The following AUH variants were observed in gnomAD, a reference collection of about 807,000 sequenced individuals.
AUH encodes the protein methylglutaconyl-CoA hydratase, mitochondrial.
A neutral mutation model predicts 42.3 loss-of-function variants in AUH; 29 were observed. That is an observed-to-expected ratio of 0.69 (90% CI 0.51 to 0.93). The LOEUF is 0.93. Ranked by LOEUF, AUH falls within the 40% of genes least tolerant of loss-of-function variation. AUH has a pLI of 0.00. For synonymous variants in AUH, 174 were observed against 166.4 expected, an observed-to-expected ratio of 1.05 and a Z score of -0.35; for missense variants, 452 against 438.1, an observed-to-expected ratio of 1.03 and a Z score of -0.28.
At chr9:91,320,586 C>G (rs1427188044) in intron 4 of AUH, among the ~76,000 whole-genome samples, 1 of 152,220 alleles carries the variant, frequency 6.6e-6, no homozygotes, top group African/African-American at 2.4e-5. Flanking sequence ...TCCCTGGAGT[C>G]TCTCTGAATG....
intron 3 of AUH, among the ~76,000 whole-genome samples, chr9:91,348,082 A>T (rs1040929204): frequency 1.4e-5 from 2 of 142,748 alleles, no homozygotes; most frequent in Non-Finnish European, 3.0e-5. Context: ...AAAAAAAAAC[A>T]AAAAAAAAAC....
At chr9:91,359,665 C>T (rs190371428) in intron 1 of AUH, among the ~76,000 whole-genome samples, 8 of 152,208 alleles carry the variant, frequency 5.3e-5, no homozygotes, top group Admixed American at 5.2e-4. Flanking sequence ...CAGATGAGAC[C>T]TGGTGTATTC....
intron 4 of AUH, among the ~76,000 whole-genome samples, chr9:91,304,616 C>A (rs1290681764): frequency 6.6e-6 from 1 of 152,116 alleles, no homozygotes; most frequent in Non-Finnish European, 1.5e-5. Flanking sequence ...AATTTGGGTT[C>A]CACATACAAA....
intron 6 of AUH, among the ~76,000 whole-genome samples, chr9:91,272,862 A>G (rs1825260001): frequency 6.6e-6 from 1 of 152,246 alleles, no homozygotes; most frequent in Non-Finnish European, 1.5e-5. Context: ...AAAATCAAGT[A>G]AGACCTAGTA....
At chr9:91,232,691 T>C (rs752069755) in intron 6 of AUH, among the ~76,000 whole-genome samples, 1 of 152,236 alleles carries the variant, frequency 6.6e-6, no homozygotes, top group Non-Finnish European at 1.5e-5. Flanking sequence ...CCCTTTCTAA[T>C]GTGTGAATGC....
intron 4 of AUH, among the ~76,000 whole-genome samples, chr9:91,302,601 C>T (rs535905429): frequency 1.3e-5 from 2 of 149,166 alleles, no homozygotes; most frequent in South Asian, 2.1e-4. Flanking sequence ...AAAAAACAAA[C>T]GAACAAACAA....
At chr9:91,327,557 T>A (rs1830040435) in intron 3 of AUH, among the ~76,000 whole-genome samples, 1 of 152,160 alleles carries the variant, frequency 6.6e-6, no homozygotes, top group Admixed American at 6.5e-5. Flanking sequence ...TTTCCTTATG[T>A]CACTCAATAA....
intron 8 of AUH, 150 bp from the exon 9 acceptor site, chr9:91,216,256 A>C: frequency 1.2e-6 from 1 of 819,506 alleles, no homozygotes; most frequent in Non-Finnish European, 2.0e-6. Context: ...CATGAGACAC[A>C]GAACCAGGCT....
chr9:91,341,504 T>C (rs1037389729), intron 3 of AUH, among the ~76,000 whole-genome samples: 5 of 152,240 alleles, frequency 3.3e-5, no homozygotes, highest in Non-Finnish European at 7.3e-5. Flanking sequence ...GATACAACCT[T>C]CTATTTATAA....
At chr9:91,216,188 C>A (rs905672489) in intron 8 of AUH, 82 bp from the exon 9 acceptor site, 27 of 1,339,518 alleles carry the variant, frequency 2.0e-5, no homozygotes, top group East Asian at 2.3e-5. Flanking sequence ...AATTGAATAA[C>A]CTTATCCCCA....
intron 6 of AUH, among the ~76,000 whole-genome samples, chr9:91,249,575 TAATACTC>T (rs1380116772): frequency 6.6e-6 from 1 of 152,160 alleles, no homozygotes; most frequent in Non-Finnish European, 1.5e-5. Flanking sequence ...AAAGCATACT[TAATACTC>T]AAATATCTTC....
rs533820570 is a variant in AUH, at chr9:91,332,884, C to A, written c.419-7480G>T. ...CAGCCCTCTGCTGTCAAAGGTGAAG[C>A]AGAGGACACAAAAACCCTCACTGTG... On this transcript the variant is annotated intron_variant, in intron 3 of 9. Coordinates refer to ENST00000375731, the MANE Select transcript of AUH (RefSeq NM_001698.3). Among the ~76,000 whole-genome samples, 4 of 152,172 alleles carry A rather than the reference C, an allele frequency of 2.6e-5. No individual in the cohort carries two copies. In the East Asian group the frequency reaches 7.7e-4, roughly 29 times the overall value.
Position 91,326,004 on chromosome 9 carries a change from G to C in AUH, c.419-600C>G, listed in dbSNP as rs555684793. ...AACAAACTGATGATTTCATAATTATGACTTTAGCACAGAATCGTAACTTTG... is the reference window on the plus strand; with the variant it reads ...AACAAACTGATGATTTCATAATTATCACTTTAGCACAGAATCGTAACTTTG... On this transcript the variant is annotated intron_variant, in intron 3 of 9. Coordinates refer to ENST00000375731, the MANE Select transcript of AUH (RefSeq NM_001698.3). 2.0e-5 allele frequency among the ~76,000 whole-genome samples: 3 copies of C among 152,276 alleles called. No individual in the cohort carries two copies. The South Asian group carries it at 6.2e-4, about 32-fold the overall frequency.
At position 91,213,903 on chromosome 9, in the gene AUH, T is replaced by A. The variant is rs1003492238; in HGVS notation, c.*445A>T. On this transcript the variant is annotated 3_prime_UTR_variant, in exon 10 of 10. Coordinates refer to ENST00000375731, the MANE Select transcript of AUH (RefSeq NM_001698.3). Reference sequence around the variant, plus strand: ...CATTTTTCAGGTTTAGATATATGTATATGTAGCTGTTCGTATGCATTAATC... The same window carrying A: ...CATTTTTCAGGTTTAGATATATGTAAATGTAGCTGTTCGTATGCATTAATC... The A allele has an allele frequency of 1.9e-5, 3 of 160,798 alleles. No homozygotes were observed. Among genetic ancestry groups the A allele is most frequent in the African/African-American group, 7.2e-5 (3 of 41,532 alleles). The allele number at this position is 160,798 out of a possible 1,614,324, so 10.0% of individuals were successfully genotyped here.
At position 91,348,285 on chromosome 9, in the gene AUH, C is replaced by T. The variant is rs527664487; in HGVS notation, c.418+7598G>A. On this transcript the variant is annotated intron_variant, in intron 3 of 9. Coordinates refer to ENST00000375731, the MANE Select transcript of AUH (RefSeq NM_001698.3). ...ATCAAGTGTTGGTAAGCATGTGGAA[C>T]GCCTGAAACTCTCATCCGTTGCTAG... 9.2e-5 allele frequency among the ~76,000 whole-genome samples: 14 copies of T among 152,252 alleles called. No individual in the cohort carries two copies. The East Asian group carries it at 2.1e-3, about 23-fold the overall frequency.
At chr9:91,276,954 G>T (rs1716718512) in intron 6 of AUH, among the ~76,000 whole-genome samples, 1 of 152,200 alleles carries the variant, frequency 6.6e-6, no homozygotes, top group African/African-American at 2.4e-5. Context: ...GGAAGCTGAG[G>T]TGGGAAAATC....
chr9:91,310,306 G>C lies in AUH; in HGVS notation c.506-12230C>G, dbSNP rs538566490. ...CAGCATTCTTGGAATTTTAGGTAGA[G>C]GCAGACAGGAAAGGGATTGCAAGAG... On this transcript the variant is annotated intron_variant, in intron 4 of 9. Coordinates refer to ENST00000375731, the MANE Select transcript of AUH (RefSeq NM_001698.3). Among the ~76,000 whole-genome samples the C allele has an allele frequency of 2.0e-5, 3 of 152,344 alleles. No homozygotes were observed. In the South Asian group the frequency reaches 6.2e-4, roughly 32 times the overall value.
intron 3 of AUH, among the ~76,000 whole-genome samples, chr9:91,338,556 G>A (rs1830864018): frequency 1.3e-5 from 2 of 152,038 alleles, no homozygotes; most frequent in Non-Finnish European, 1.5e-5. Flanking sequence ...TCAGCCTCCC[G>A]AGTAGCTGAG....
intron 3 of AUH, among the ~76,000 whole-genome samples, chr9:91,326,051 T>C (rs1829948854): frequency 2.0e-5 from 3 of 152,196 alleles, no homozygotes; most frequent in Admixed American, 6.5e-5. Flanking sequence ...AATAAACACA[T>C]GGAATTCCTT....
Sources: gnomAD v4.1 joint callset for allele counts (sites outside exome capture counted in the v4.1 genomes callset) on GRCh38, gnomAD v4.1.1 for gene constraint, MANE v1.5 for transcripts, NCBI Gene and HGNC (gene_info 2026-07-23, HGNC 2026-07-21) for gene names.